NEK5: variants seen among roughly 807,000 people sequenced by gnomAD.
NEK5 encodes NIMA related kinase 5.
NEK5 carries 88 observed loss-of-function variants against 109.2 expected under a neutral mutation model. That is an observed-to-expected ratio of 0.81 (90% CI 0.68 to 0.96). The LOEUF is 0.96. Among genes scored for constraint, NEK5 ranks in the 40% least tolerant of loss-of-function variants. The pLI is 0.00. For missense variants in NEK5, 834 were observed against 920.7 expected, an observed-to-expected ratio of 0.91 and a Z score of 1.22; for synonymous variants, 283 against 299.9, an observed-to-expected ratio of 0.94 and a Z score of 0.58.
chr13:52,053,811 C>T (rs1226068645), intron 22 of NEK5, among the ~76,000 whole-genome samples: 1 of 152,124 alleles, frequency 6.6e-6, no homozygotes, highest in Non-Finnish European at 1.5e-5. Context: ...CTGAGAATTC[C>T]GAAGTGGTTT....
chr13:52,061,939 C>T lies in NEK5; in HGVS notation c.1990G>A (p.Val664Met). 1.3e-6 allele frequency: 1 copy of T among 769,210 alleles called. No individual in the cohort carries two copies. Among genetic ancestry groups the T allele is most frequent in the Non-Finnish European group, 1.6e-6 (1 of 632,180 alleles). The allele number at this position is 769,210 out of a possible 1,614,324, so 47.6% of individuals were successfully genotyped here. The part of the protein sequence containing the change: ...PTGPDNGQVI[V>M]IEGIPGNRKQ... ...CTGTTTCCTGGAATGCCTTCAATCA[C>T]AATAACTTGGCCATCTGAAGAGGAA... The change falls in exon 22 of 24, where the codon GTG becomes ATG. Residue 664 changes from valine to methionine, a missense_variant. Around this residue, in one of 2 missense-constraint regions of NEK5, gnomAD observed 777 missense variants for 824.7 expected, o/e 0.94. Coordinates refer to ENST00000684899, the MANE Select transcript of NEK5 (RefSeq NM_001365552.1).
Position 52,034,293 on chromosome 13 carries a change from T to C in NEK5, c.*2655A>G, listed in dbSNP as rs548726389. 1.3e-5 allele frequency: 2 copies of C among 152,296 alleles called. No homozygotes were observed. Among genetic ancestry groups the C allele is most frequent in the East Asian group, 3.9e-4 (2 of 5,188 alleles). 9.4% of individuals were successfully genotyped at this position (152,296 alleles called of 1,614,324 possible). ...CCATGCCTCAGGAACACGATTTAGC[T>C]AATAGTGTGTGTAAAATGGGTAAGG... On this transcript the variant is annotated 3_prime_UTR_variant, in exon 24 of 24. Transcript: ENST00000684899.
chr13:52,088,617 T>C (rs1276531537), intron 14 of NEK5, among the ~76,000 whole-genome samples: 1 of 152,022 alleles, frequency 6.6e-6, no homozygotes, highest in Non-Finnish European at 1.5e-5. Context: ...ACTACAGCAC[T>C]GCAAGGAAAT....
chr13:52,115,477 C>A (rs1345331580), intron 4 of NEK5, among the ~76,000 whole-genome samples: 1 of 150,846 alleles, frequency 6.6e-6, no homozygotes, highest in Non-Finnish European at 1.5e-5. Flanking sequence ...TGGTGGCGGG[C>A]GCCTGTAATC....
At chr13:52,071,796 GAAT>G (rs1399440528) in intron 20 of NEK5, 145 bp downstream of exon 20, 11 of 678,406 alleles carry the variant, frequency 1.6e-5, no homozygotes, top group Non-Finnish European at 2.6e-5. Flanking sequence ...GGTGGCAGGA[GAAT>G]AATAAGTGTG....
intron 22 of NEK5, among the ~76,000 whole-genome samples, chr13:52,057,361 C>A (rs1484799070): frequency 6.6e-6 from 1 of 151,186 alleles, no homozygotes; most frequent in Non-Finnish European, 1.5e-5. Flanking sequence ...CCGAATTCTA[C>A]CAGAGGTACA....
At chr13:52,081,576 T>C (rs961095094) in intron 17 of NEK5, among the ~76,000 whole-genome samples, 1 of 152,152 alleles carries the variant, frequency 6.6e-6, no homozygotes, top group African/African-American at 2.4e-5. Context: ...GTAGTAAAAG[T>C]TCTGTAACCT....
At chr13:52,043,134 G>C (rs1393249429) in intron 23 of NEK5, among the ~76,000 whole-genome samples, 1 of 151,914 alleles carries the variant, frequency 6.6e-6, no homozygotes, top group Non-Finnish European at 1.5e-5. Flanking sequence ...AGTAATATCT[G>C]TATCAGACCA....
chr13:52,058,185 G>C (rs1954579171), intron 22 of NEK5, among the ~76,000 whole-genome samples: 1 of 128,782 alleles, frequency 7.8e-6, no homozygotes, highest in Admixed American at 8.5e-5. Flanking sequence ...CAAATCATGA[G>C]TGAACTCCCA....
intron 17 of NEK5, among the ~76,000 whole-genome samples, chr13:52,081,207 C>T (rs1451931139): frequency 2.0e-5 from 3 of 152,074 alleles, no homozygotes; most frequent in African/African-American, 7.2e-5. Context: ...TTTAAAGTGT[C>T]TTATTATATA....
intron 23 of NEK5, among the ~76,000 whole-genome samples, chr13:52,049,344 A>G (rs1954484230): frequency 6.6e-6 from 1 of 152,096 alleles, no homozygotes; most frequent in Non-Finnish European, 1.5e-5. Flanking sequence ...GGATTGCTTG[A>G]GCCCAGGAAT....
At chr13:52,064,337 C>T (rs1215624748) in intron 21 of NEK5, among the ~76,000 whole-genome samples, 2 of 135,626 alleles carry the variant, frequency 1.5e-5, no homozygotes, top group South Asian at 2.3e-4. Flanking sequence ...CCAGCCGCCC[C>T]ATCCAGGAGG....
At chr13:52,090,627 A>G (rs1052353942) in intron 13 of NEK5, among the ~76,000 whole-genome samples, 5 of 152,206 alleles carry the variant, frequency 3.3e-5, no homozygotes, top group Admixed American at 2.0e-4. Context: ...ACATGTATCA[A>G]TATCTTCATG....
chr13:52,083,208 G>C (rs1955050172), intron 17 of NEK5, 52 bp downstream of exon 17: 1 of 1,245,954 alleles, frequency 8.0e-7, no homozygotes, highest in Non-Finnish European at 1.2e-6. Flanking sequence ...GAGCCACTTG[G>C]GGTAGAGCAC....
chr13:52,055,924 C>T (rs998424705), intron 22 of NEK5, among the ~76,000 whole-genome samples: 5 of 151,672 alleles, frequency 3.3e-5, no homozygotes, highest in African/African-American at 1.2e-4. Flanking sequence ...ATCATAATGA[C>T]AGGATCAAAT....
At chr13:52,076,262 A>G in intron 17 of NEK5, 119 bp from the exon 18 acceptor site, 1 of 580,796 alleles carries the variant, frequency 1.7e-6, no homozygotes, top group Non-Finnish European at 3.0e-6. Flanking sequence ...AAAGTTAATA[A>G]TAATTAACTA....
At chr13:52,100,106 A>G (rs1185428576) in intron 11 of NEK5, among the ~76,000 whole-genome samples, 1 of 152,192 alleles carries the variant, frequency 6.6e-6, no homozygotes, top group Non-Finnish European at 1.5e-5. Context: ...AGTAATATAT[A>G]ACATCACTTT....
chr13:52,061,225 T>G (rs1169142837), intron 22 of NEK5, among the ~76,000 whole-genome samples: 1 of 151,330 alleles, frequency 6.6e-6, no homozygotes. Context: ...CAGTTCACAA[T>G]AGGGTTCATG....
intron 23 of NEK5, among the ~76,000 whole-genome samples, chr13:52,047,603 G>C (rs1342676565): frequency 6.6e-6 from 1 of 152,164 alleles, no homozygotes; most frequent in Non-Finnish European, 1.5e-5. Context: ...CTTTATGGGA[G>C]GCCCAGGTGG....
Sources: allele counts gnomAD v4.1 joint callset (sites outside exome capture counted in the v4.1 genomes callset), GRCh38; gene constraint gnomAD v4.1.1; regional missense constraint gnomAD v4.1.1; transcripts MANE v1.5; gene names NCBI Gene and HGNC (gene_info 2026-07-23, HGNC 2026-07-21).